BCAS4: variants seen among roughly 807,000 people sequenced by gnomAD.
The protein encoded by BCAS4 is breast carcinoma-amplified sequence 4.
In BCAS4, 9 loss-of-function variants were observed where a neutral mutation model predicts 15.7. That is an observed-to-expected ratio of 0.57 (90% CI 0.34 to 1.00). The LOEUF (loss-of-function observed/expected upper bound fraction) is 1.00. BCAS4 is among the 50% of genes least tolerant of loss of function. The probability of loss-of-function intolerance (pLI) is 0.02; values close to 1 mark genes in which losing one functional copy is unlikely to be tolerated. For missense variants in BCAS4, 225 were observed against 239.1 expected, an observed-to-expected ratio of 0.94 and a Z score of 0.39; for synonymous variants, 101 against 99.5, an observed-to-expected ratio of 1.02 and a Z score of -0.09.
At chr20:50,797,606 G>A (rs533251268) in intron 1 of BCAS4, among the ~76,000 whole-genome samples, 1 of 152,258 alleles carries the variant, frequency 6.6e-6, no homozygotes, top group South Asian at 2.1e-4. Flanking sequence ...ACATGAGCAT[G>A]TATCCATAAA....
At position 50,875,530 on chromosome 20, in the gene BCAS4, C is replaced by T. The variant is rs562673393; in HGVS notation, c.400-956C>T. Among the ~76,000 whole-genome samples, 559 of 149,582 alleles carry T rather than the reference C, an allele frequency of 3.7e-3. 1 individual carries two copies. Among genetic ancestry groups the T allele is most frequent in the Non-Finnish European group, 6.9e-3 (469 of 67,660 alleles). On this transcript the variant is annotated intron_variant, in intron 4 of 4. Coordinates refer to ENST00000371608, the MANE Select transcript of BCAS4 (RefSeq NM_198799.4). ...CTGTCATCCTAGCACTTTGGGAGGC[C>T]GAGGCGGGCGAGTCACCGGAGGCCA...
chr20:50,830,696 A>G (rs2123791854), intron 3 of BCAS4, among the ~76,000 whole-genome samples: 1 of 152,258 alleles, frequency 6.6e-6, no homozygotes, highest in African/African-American at 2.4e-5. Flanking sequence ...CAAAAAATAC[A>G]AAAACTAGTC....
intron 3 of BCAS4, among the ~76,000 whole-genome samples, chr20:50,834,292 CTT>C (rs74175526): frequency 1.2e-4 from 14 of 121,096 alleles, no homozygotes; most frequent in African/African-American, 3.3e-4. Context: ...TCGAACTCTT[CTT>C]TTTTTTTTTT....
At chr20:50,811,697 A>C (rs2088065059) in intron 1 of BCAS4, among the ~76,000 whole-genome samples, 1 of 151,794 alleles carries the variant, frequency 6.6e-6, no homozygotes, top group Non-Finnish European at 1.5e-5. Context: ...ATCTTGGCTT[A>C]CTGCAACCTC....
chr20:50,862,563 A>ACCTC (rs10626125), intron 4 of BCAS4, among the ~76,000 whole-genome samples: 33,035 of 151,862 alleles, frequency 0.22, 3,668 homozygotes, highest in African/African-American at 0.28. Flanking sequence ...GCACAGCCAG[A>ACCTC]CCTCCAAGGA....
intron 4 of BCAS4, among the ~76,000 whole-genome samples, chr20:50,855,098 C>T (rs992736222): frequency 3.9e-5 from 6 of 152,206 alleles, no homozygotes; most frequent in Admixed American, 3.3e-4. Flanking sequence ...TCTTGGGTCC[C>T]ACCTCTCCCA....
Position 50,876,682 on chromosome 20 carries a change from T to A in BCAS4, c.*74T>A. The stretch of plus-strand genomic sequence containing the variant: ...CACTGCAGCTTGGGGGTTTTTTCTT[T>A]GTATTGCTGTTTATTTTATATTTTA... On this transcript the variant is annotated 3_prime_UTR_variant, in exon 5 of 5. Transcript: ENST00000371608. 6.7e-7 allele frequency: 1 copy of A among 1,497,048 alleles called. No individual in the cohort carries two copies. The highest frequency in any genetic ancestry group is 1.8e-4 in the Middle Eastern group (1 of 5,526). 92.7% of individuals were successfully genotyped at this position (1,497,048 alleles called of 1,614,324 possible). A position where few individuals can be genotyped will look rare whatever the true frequency, so the allele number is the denominator to read the frequency against.
intron 2 of BCAS4, among the ~76,000 whole-genome samples, chr20:50,827,095 A>G (rs1187013101): frequency 1.3e-5 from 2 of 152,226 alleles, no homozygotes. Context: ...TTTTGATGTC[A>G]CCAGTTTCTC....
intron 2 of BCAS4, among the ~76,000 whole-genome samples, chr20:50,826,634 C>T (rs1320886599): frequency 6.6e-6 from 1 of 152,050 alleles, no homozygotes; most frequent in Non-Finnish European, 1.5e-5. Context: ...GTCTTGAGCT[C>T]CTGGCCTCCA....
At chr20:50,833,471 G>T (rs973773174) in intron 3 of BCAS4, among the ~76,000 whole-genome samples, 36 of 152,200 alleles carry the variant, frequency 2.4e-4, no homozygotes, top group African/African-American at 8.4e-4. Context: ...TTGCTTAGCA[G>T]CCTCTCTGGC....
intron 1 of BCAS4, among the ~76,000 whole-genome samples, chr20:50,812,686 T>C (rs1193906461): frequency 6.6e-6 from 1 of 151,250 alleles, no homozygotes; most frequent in Non-Finnish European, 1.5e-5. Context: ...GTGACCTGCC[T>C]GCCTCGGCCT....
intron 3 of BCAS4, among the ~76,000 whole-genome samples, chr20:50,836,221 T>C (rs966057791): frequency 6.6e-6 from 1 of 152,164 alleles, no homozygotes; most frequent in Non-Finnish European, 1.5e-5. Context: ...TGGCTGGTGA[T>C]GTATTTCCTA....
At chr20:50,827,355 C>T (rs2088289383) in intron 2 of BCAS4, among the ~76,000 whole-genome samples, 1 of 152,214 alleles carries the variant, frequency 6.6e-6, no homozygotes, top group Non-Finnish European at 1.5e-5. Context: ...GCCTTCTTAT[C>T]ACATCCCATC....
rs985974059 is a variant in BCAS4, at chr20:50,850,753, T to C, written c.399+8853T>C. Among the ~76,000 whole-genome samples the C allele has an allele frequency of 3.3e-5, 5 of 152,158 alleles. No homozygotes were observed. In the East Asian group the frequency reaches 9.6e-4, roughly 29 times the overall value. On this transcript the variant is annotated intron_variant, in intron 4 of 4. Transcript: ENST00000371608. Reference sequence around the variant, plus strand: ...CCAGCCAGCATCTGGCCTACCGTGCTCACTCTTGGTGCCTGCTGGTGTGTT... The same window carrying C: ...CCAGCCAGCATCTGGCCTACCGTGCCCACTCTTGGTGCCTGCTGGTGTGTT...
At chr20:50,869,642 G>C (rs1276916388) in intron 4 of BCAS4, among the ~76,000 whole-genome samples, 1 of 152,088 alleles carries the variant, frequency 6.6e-6, no homozygotes, top group Admixed American at 6.6e-5. Context: ...CACTTGGAAG[G>C]GAGATATAGG....
At chr20:50,824,762 G>T (rs934432363) in intron 2 of BCAS4, among the ~76,000 whole-genome samples, 6 of 152,332 alleles carry the variant, frequency 3.9e-5, no homozygotes, top group African/African-American at 1.4e-4. Flanking sequence ...AGCTCCAGCT[G>T]ATTGTTGCCA....
chr20:50,821,703 G>A (rs1302608888), intron 2 of BCAS4, among the ~76,000 whole-genome samples: 1 of 152,134 alleles, frequency 6.6e-6, no homozygotes, highest in African/African-American at 2.4e-5. Flanking sequence ...TGGGCTGCAC[G>A]GTTTAGAGAG....
chr20:50,852,934 T>C (rs550641510), intron 4 of BCAS4, among the ~76,000 whole-genome samples: 125 of 152,174 alleles, frequency 8.2e-4, no homozygotes, highest in African/African-American at 3.0e-3. Flanking sequence ...TCATCAAGGA[T>C]GTGAGGGGTG....
intron 1 of BCAS4, among the ~76,000 whole-genome samples, chr20:50,796,485 ATATTTTTTTTTTTTTTTT>A (rs2087865179): frequency 9.7e-5 from 1 of 10,312 alleles, no homozygotes; most frequent in Non-Finnish European, 1.6e-4. Context: ...ATATATATAT[ATATTTTTTTTTTTTTTTT>A]TTTTTTTTTT....
Sources: allele counts gnomAD v4.1 joint callset (sites outside exome capture counted in the v4.1 genomes callset), GRCh38; gene constraint gnomAD v4.1.1; transcripts MANE v1.5; gene names NCBI Gene and HGNC (gene_info 2026-07-23, HGNC 2026-07-21).